The following GRM7 variants were observed in gnomAD, a reference collection of about 807,000 sequenced individuals.
GRM7 encodes glutamate metabotropic receptor 7.
In GRM7, 35 loss-of-function variants were observed where a neutral mutation model predicts 84.5. The observed-to-expected ratio is 0.41, with a 90% CI of 0.32 to 0.55. The LOEUF (loss-of-function observed/expected upper bound fraction) is 0.55. Ranked by LOEUF, GRM7 falls within the 20% of genes least tolerant of loss-of-function variation. The pLI, the probability that GRM7 is intolerant of heterozygous loss-of-function variation, is 0.19. For synonymous variants in GRM7, 487 were observed against 455.1 expected (o/e 1.07, Z -0.89); for missense variants, 1,003 against 1,194.6 (o/e 0.84, Z 2.36).
intron 1 of GRM7, among the ~76,000 whole-genome samples, chr3:7,141,609 CGTGATT>C (rs1559466529): frequency 6.6e-6 from 1 of 151,546 alleles, no homozygotes; most frequent in African/African-American, 2.4e-5. Flanking sequence ...AAATTAAAAA[CGTGATT>C]ATCCATGATC....
intron 5 of GRM7, among the ~76,000 whole-genome samples, chr3:7,442,427 T>A (rs529206849): frequency 6.6e-6 from 1 of 152,266 alleles, no homozygotes; most frequent in East Asian, 1.9e-4. Flanking sequence ...TTGACTTTGT[T>A]TCCTATTTAG....
At chr3:7,388,309 T>G (rs984222354) in intron 4 of GRM7, among the ~76,000 whole-genome samples, 1 of 152,044 alleles carries the variant, frequency 6.6e-6, no homozygotes, top group Non-Finnish European at 1.5e-5. Context: ...TCACTCTGGC[T>G]GGGACTTCCG....
At chr3:7,165,948 G>A (rs918823999) in intron 2 of GRM7, among the ~76,000 whole-genome samples, 15 of 152,158 alleles carry the variant, frequency 9.9e-5, no homozygotes, top group South Asian at 8.3e-4. Flanking sequence ...CAAGTACTTC[G>A]AAATATGTTA....
intron 5 of GRM7, among the ~76,000 whole-genome samples, chr3:7,440,638 C>T (rs1370023520): frequency 6.6e-6 from 1 of 152,062 alleles, no homozygotes; most frequent in Non-Finnish European, 1.5e-5. Flanking sequence ...GGTAGTTTTT[C>T]AGTTCTCATC....
intron 2 of GRM7, among the ~76,000 whole-genome samples, chr3:7,269,253 G>C (rs1319760473): frequency 6.6e-6 from 1 of 152,134 alleles, no homozygotes; most frequent in East Asian, 1.9e-4. Flanking sequence ...TTTCCAATGT[G>C]AGCAGACGAA....
intron 1 of GRM7, among the ~76,000 whole-genome samples, chr3:6,892,224 T>G (rs1695984524): frequency 1.3e-5 from 2 of 152,132 alleles, no homozygotes; most frequent in Non-Finnish European, 2.9e-5. Context: ...TCCTATATTT[T>G]GAATTAGAAA....
chr3:7,566,727 T>C (rs529158039), intron 7 of GRM7, among the ~76,000 whole-genome samples: 1 of 151,382 alleles, frequency 6.6e-6, no homozygotes, highest in African/African-American at 2.4e-5. Flanking sequence ...TATGGTATTT[T>C]TTAAAAAGGC....
intron 1 of GRM7, among the ~76,000 whole-genome samples, chr3:6,867,944 A>G (rs571112982): frequency 2.0e-5 from 3 of 152,352 alleles, no homozygotes; most frequent in African/African-American, 7.2e-5. Flanking sequence ...TCACATTATT[A>G]GATTACAAAA....
At chr3:7,648,596 C>A (rs1257932129) in intron 8 of GRM7, among the ~76,000 whole-genome samples, 1 of 151,154 alleles carries the variant, frequency 6.6e-6, no homozygotes, top group Non-Finnish European at 1.5e-5. Context: ...CTGCAGTGAG[C>A]TGAAATTGCA....
chr3:7,134,475 T>C (rs1038572804), intron 1 of GRM7, among the ~76,000 whole-genome samples: 21 of 152,140 alleles, frequency 1.4e-4, no homozygotes, highest in African/African-American at 4.6e-4. Context: ...CATAGACTTA[T>C]ATGGTTTCCT....
At chr3:7,150,391 C>G (rs1004973331) in intron 2 of GRM7, among the ~76,000 whole-genome samples, 3 of 152,098 alleles carry the variant, frequency 2.0e-5, no homozygotes, top group Non-Finnish European at 2.9e-5. Context: ...ATAGAACGAA[C>G]CAAGACAATG....
intron 3 of GRM7, among the ~76,000 whole-genome samples, chr3:7,299,614 T>C (rs1699929038): frequency 6.6e-6 from 1 of 152,196 alleles, no homozygotes; most frequent in South Asian, 2.1e-4. Context: ...TGTGGAGATA[T>C]TCTGTATATA....
chr3:7,586,600 G>A (rs1695528654), intron 8 of GRM7, among the ~76,000 whole-genome samples: 1 of 152,194 alleles, frequency 6.6e-6, no homozygotes, highest in African/African-American at 2.4e-5. Context: ...TTGAGGTCAG[G>A]AGTTCGAGAC....
At chr3:7,078,462 GTTAA>G (rs1431298977) in intron 1 of GRM7, among the ~76,000 whole-genome samples, 2 of 152,156 alleles carry the variant, frequency 1.3e-5, no homozygotes, top group Non-Finnish European at 2.9e-5. Flanking sequence ...GAATTGTGTG[GTTAA>G]TTGAGATGCT....
At chr3:7,701,555 G>C (rs961373856) in intron 9 of GRM7, among the ~76,000 whole-genome samples, 4 of 151,928 alleles carry the variant, frequency 2.6e-5, no homozygotes, top group Non-Finnish European at 5.9e-5. Flanking sequence ...CACTCGCCTC[G>C]GCCCCCCAAA....
intron 2 of GRM7, 142 bp from the exon 3 acceptor site, chr3:7,298,542 C>G (rs532552225): frequency 4.6e-6 from 3 of 656,932 alleles, no homozygotes; most frequent in East Asian, 5.4e-5. Context: ...AGCATGGTGT[C>G]TTATGCTGTC....
At chr3:7,065,998 C>T (rs148628748) in intron 1 of GRM7, among the ~76,000 whole-genome samples, 1,775 of 151,752 alleles carry the variant, frequency 0.012, 24 homozygotes, top group Non-Finnish European at 0.018. Context: ...ATGATACAAC[C>T]TATCAAAACC....
At chr3:7,296,294 A>C (rs2125018046) in intron 2 of GRM7, among the ~76,000 whole-genome samples, 1 of 152,244 alleles carries the variant, frequency 6.6e-6, no homozygotes, top group African/African-American at 2.4e-5. Context: ...TTGTTTTGTT[A>C]ACATATTTTT....
At chr3:7,445,333 A>G (rs773166619) in intron 5 of GRM7, among the ~76,000 whole-genome samples, 5 of 152,202 alleles carry the variant, frequency 3.3e-5, no homozygotes, top group Admixed American at 6.5e-5. Flanking sequence ...ATAATGGGCA[A>G]TGAAGTAACA....
Sources: allele counts gnomAD v4.1 joint callset (sites outside exome capture counted in the v4.1 genomes callset), GRCh38; gene constraint gnomAD v4.1.1; transcripts MANE v1.5; gene names NCBI Gene and HGNC (gene_info 2026-07-23, HGNC 2026-07-21).